The following DCC variants were observed in gnomAD, a reference collection of about 807,000 sequenced individuals.
The protein encoded by DCC is DCC netrin 1 receptor.
Under a neutral mutation model 172.5 loss-of-function variants are expected in DCC, and 58 were observed. The ratio of observed to expected loss-of-function variants is 0.34; its 90% confidence interval spans 0.27 to 0.42. The LOEUF is 0.42. DCC is among the 10% of genes least tolerant of loss of function. The probability of loss-of-function intolerance (pLI) is 1.00; values close to 1 mark genes in which losing one functional copy is unlikely to be tolerated. For missense variants in DCC, 1,740 were observed against 1,791.0 expected (o/e 0.97, Z 0.51); for synonymous variants, 709 against 644.5 (o/e 1.10, Z -1.52).
At chr18:52,377,103 C>T (rs967676534) in intron 1 of DCC, among the ~76,000 whole-genome samples, 1 of 152,166 alleles carries the variant, frequency 6.6e-6, no homozygotes, top group Non-Finnish European at 1.5e-5. Flanking sequence ...TTTGAGTGAG[C>T]AATTTCACTT....
At chr18:52,958,979 T>C (rs1328091608) in intron 5 of DCC, among the ~76,000 whole-genome samples, 3 of 152,094 alleles carry the variant, frequency 2.0e-5, no homozygotes, top group South Asian at 2.1e-4. Context: ...AAATTTTTTG[T>C]AATTTTGTTT....
intron 5 of DCC, among the ~76,000 whole-genome samples, chr18:52,953,343 A>G (rs17392344): frequency 0.021 from 3,248 of 152,262 alleles, 60 homozygotes; most frequent in Admixed American, 0.039. Context: ...AGCAGTCCCA[A>G]ACATGAGACA....
chr18:53,090,736 A>AAAAAAAAAAAAAAT (rs1568298524), intron 7 of DCC, among the ~76,000 whole-genome samples: 1 of 129,522 alleles, frequency 7.7e-6, no homozygotes, highest in Admixed American at 7.9e-5. Flanking sequence ...AAAAAAAAAG[A>AAAAAAAAAAAAAAT]ATGTATCGTG....
intron 1 of DCC, among the ~76,000 whole-genome samples, chr18:52,718,093 G>C (rs1414800956): frequency 1.3e-5 from 2 of 151,450 alleles, no homozygotes; most frequent in African/African-American, 4.8e-5. Flanking sequence ...AGAAGTTTCT[G>C]TTTGTCATCT....
chr18:52,340,807 G>T lies in DCC; in HGVS notation c.20G>T (p.Cys7Phe), dbSNP rs866002143. ...TGAAATATGGAGAATAGTCTTAGAT[G>T]TGTTTGGGTACCCAAGCTGGCTTTT... MENSLR[C>F]VWVPKLAFVL... is the part of the protein sequence containing the mutation. The change falls in exon 1 of 29, where the codon TGT (cysteine) becomes TTT (phenylalanine). Residue 7 changes from cysteine (C) to phenylalanine (F), a missense_variant. This residue lies in a region of DCC where 1,732 missense variants were observed against 1,767.4 expected (regional missense o/e 0.98). Transcript: ENST00000442544. 1 of 1,614,112 alleles carries T rather than the reference G, an allele frequency of 6.2e-7. No individual in the cohort carries two copies. The highest frequency in any genetic ancestry group is 1.3e-5 in the African/African-American group (1 of 75,046).
chr18:53,259,172 A>C (rs1418700013), intron 12 of DCC, among the ~76,000 whole-genome samples: 2 of 152,102 alleles, frequency 1.3e-5, no homozygotes, highest in Non-Finnish European at 2.9e-5. Flanking sequence ...CCAATTTGCC[A>C]GTCTGTGTCT....
At chr18:53,340,616 G>A (rs1420157380) in intron 15 of DCC, among the ~76,000 whole-genome samples, 2 of 152,272 alleles carry the variant, frequency 1.3e-5, no homozygotes, top group South Asian at 2.1e-4. Context: ...GAGGTCTAAT[G>A]TGTGTAAAAG....
chr18:52,871,096 T>A (rs1205436316), intron 2 of DCC, among the ~76,000 whole-genome samples: 1 of 152,222 alleles, frequency 6.6e-6, no homozygotes, highest in Non-Finnish European at 1.5e-5. Context: ...CTTCTTCAGA[T>A]GAACACCTGC....
At chr18:52,787,815 CAAAA>C (rs1197821374) in intron 2 of DCC, among the ~76,000 whole-genome samples, 24 of 152,142 alleles carry the variant, frequency 1.6e-4, no homozygotes, top group Non-Finnish European at 2.9e-5. Flanking sequence ...AATGATGACT[CAAAA>C]AGCAAAAATC....
intron 1 of DCC, among the ~76,000 whole-genome samples, chr18:52,621,593 C>T (rs2034481157): frequency 2.0e-5 from 3 of 152,192 alleles, no homozygotes; most frequent in Non-Finnish European, 4.4e-5. Context: ...AGGGACTGTA[C>T]TTTTGCAAAA....
intron 5 of DCC, among the ~76,000 whole-genome samples, chr18:53,029,369 G>A (rs895637195): frequency 2.0e-5 from 3 of 152,160 alleles, no homozygotes; most frequent in Non-Finnish European, 4.4e-5. Flanking sequence ...TGAATGTAAT[G>A]CAATGGCATA....
rs113987904 is a variant in DCC at position 53,284,807 on chromosome 18, C to T, written c.1912-20771C>T. On this transcript the variant is annotated intron_variant, in intron 12 of 28. Coordinates refer to ENST00000442544, the MANE Select transcript of DCC (RefSeq NM_005215.4). ...TGTTAAGTGGCTTTGACCAAAATGC[C>T]GATAATGACATGGACAATGAAATCA... Among the ~76,000 whole-genome samples, 298 of 152,088 alleles carry T rather than the reference C, an allele frequency of 2.0e-3. 1 individual carries two copies. Among genetic ancestry groups the T allele is most frequent in the African/African-American group, 6.4e-3 (266 of 41,476 alleles).
chr18:52,919,718 T>TG, intron 3 of DCC, among the ~76,000 whole-genome samples: 1 of 152,150 alleles, frequency 6.6e-6, no homozygotes, highest in Admixed American at 6.6e-5. Flanking sequence ...TAAGTAATTT[T>TG]GTTAAACAAC....
At chr18:52,987,714 T>G (rs2041318057) in intron 5 of DCC, among the ~76,000 whole-genome samples, 1 of 152,200 alleles carries the variant, frequency 6.6e-6, no homozygotes, top group African/African-American at 2.4e-5. Context: ...ACCACATTCC[T>G]GGGACCACAA....
chr18:53,251,548 T>C (rs1198658401), intron 12 of DCC, among the ~76,000 whole-genome samples: 2 of 151,686 alleles, frequency 1.3e-5, no homozygotes, highest in Non-Finnish European at 2.9e-5. Context: ...TCAAATGGAG[T>C]CTTCTTACAT....
At chr18:52,936,928 C>G (rs1417683185) in intron 5 of DCC, among the ~76,000 whole-genome samples, 1 of 152,118 alleles carries the variant, frequency 6.6e-6, no homozygotes, top group Non-Finnish European at 1.5e-5. Context: ...AAATGTTTTT[C>G]TGATTTTTTA....
Position 52,954,588 on chromosome 18 carries a change from G to A in DCC, c.985+29218G>A, listed in dbSNP as rs977716586. The stretch of plus-strand genomic sequence containing the variant: ...GGGAAATATTTGAGAAAGGTCTTAT[G>A]GTTCTGCAAGGATCTTGGAATCTAC... On this transcript the variant is annotated intron_variant, in intron 5 of 28. Coordinates refer to ENST00000442544, the MANE Select transcript of DCC (RefSeq NM_005215.4). Among the ~76,000 whole-genome samples, 3 of 152,066 alleles carry A rather than the reference G, an allele frequency of 2.0e-5. 1 individual carries two copies. The South Asian group carries it at 6.2e-4, about 32-fold the overall frequency.
intron 12 of DCC, among the ~76,000 whole-genome samples, chr18:53,270,727 T>G (rs944448755): frequency 4.6e-5 from 7 of 152,136 alleles, no homozygotes; most frequent in Non-Finnish European, 1.0e-4. Context: ...AAATTATGTT[T>G]TAGGGCCCTA....
chr18:53,078,277 C>G (rs956535825), intron 7 of DCC, among the ~76,000 whole-genome samples: 1 of 152,004 alleles, frequency 6.6e-6, no homozygotes, highest in Non-Finnish European at 1.5e-5. Context: ...GGCAACAGAG[C>G]AAGACCCTGT....
Sources: allele counts gnomAD v4.1 joint callset (sites outside exome capture counted in the v4.1 genomes callset), GRCh38; gene constraint gnomAD v4.1.1; regional missense constraint gnomAD v4.1.1; transcripts MANE v1.5; gene names NCBI Gene and HGNC (gene_info 2026-07-23, HGNC 2026-07-21).